SLC25A48: variants seen among roughly 807,000 people sequenced by gnomAD.
SLC25A48 encodes the protein CTC-321K16.1.
SLC25A48 carries 29 observed loss-of-function variants against 32.2 expected under a neutral mutation model. The observed-to-expected ratio is 0.90, with a 90% confidence interval of 0.67 to 1.23. The LOEUF (loss-of-function observed/expected upper bound fraction) is 1.23. Ranked by LOEUF, SLC25A48 falls within the 50% of genes most tolerant of loss-of-function variation. The pLI is 0.00. For missense variants in SLC25A48, 399 were observed against 422.7 expected (o/e 0.94, Z 0.49); for synonymous variants, 164 against 172.3 (o/e 0.95, Z 0.38).
At chr5:135,611,268 G>A (rs1752056822) in intron 1 of SLC25A48, among the ~76,000 whole-genome samples, 2 of 152,074 alleles carry the variant, frequency 1.3e-5, no homozygotes, top group Non-Finnish European at 1.5e-5. Context: ...CCAGCACTTC[G>A]GGAGACTGAG....
intron 2 of SLC25A48, among the ~76,000 whole-genome samples, chr5:135,844,913 G>A (rs1022634148): frequency 1.3e-5 from 2 of 152,202 alleles, no homozygotes; most frequent in Admixed American, 1.3e-4. Flanking sequence ...GAAAAGGGCT[G>A]TTGTTTCTGT....
intron 3 of SLC25A48, among the ~76,000 whole-genome samples, chr5:135,728,129 G>A (rs1755133158): frequency 6.6e-6 from 1 of 151,888 alleles, no homozygotes; most frequent in Admixed American, 6.6e-5. Flanking sequence ...GGTGGTGGGC[G>A]CCTGTAGTCC....
At chr5:135,778,609 C>T (rs1756631672) in intron 3 of SLC25A48, among the ~76,000 whole-genome samples, 1 of 150,434 alleles carries the variant, frequency 6.6e-6, no homozygotes, top group South Asian at 2.1e-4. Flanking sequence ...AGGCGGTGTA[C>T]ACCCCTTCCA....
intron 3 of SLC25A48, among the ~76,000 whole-genome samples, chr5:135,694,222 G>C (rs2126960609): frequency 6.6e-6 from 1 of 152,272 alleles, no homozygotes; most frequent in African/African-American, 2.4e-5. Flanking sequence ...TGGGCGGCCT[G>C]GTATGCTGTA....
intron 1 of SLC25A48, among the ~76,000 whole-genome samples, chr5:135,611,648 G>A (rs1187970007): frequency 1.3e-5 from 2 of 152,058 alleles, no homozygotes; most frequent in Non-Finnish European, 1.5e-5. Context: ...GGAGGTGGAG[G>A]TTGCAGTGAG....
rs113759741 is a variant in SLC25A48, at chr5:135,746,541, A to T, written c.-520-65982A>T. The stretch of plus-strand genomic sequence containing the variant: ...GGTACAATCCGATTCTCCGGTGCAA[A>T]ATAAGTCTCCAAAAGAGAGGGCTGT... On this transcript the variant is annotated intron_variant, in intron 3 of 10. Transcript: ENST00000646290. 2.4e-3 allele frequency among the ~76,000 whole-genome samples: 365 copies of T among 152,218 alleles called. 1 individual carries two copies. The highest frequency in any genetic ancestry group is 5.8e-3 in the African/African-American group (242 of 41,544).
intron 3 of SLC25A48, among the ~76,000 whole-genome samples, chr5:135,796,379 A>G (rs1757180106): frequency 6.6e-6 from 1 of 150,876 alleles, no homozygotes; most frequent in African/African-American, 2.4e-5. Flanking sequence ...GTGTGATATC[A>G]CGCCTTTTAT....
chr5:135,837,216 C>T (rs748484903), intron 1 of SLC25A48, among the ~76,000 whole-genome samples: 9 of 152,016 alleles, frequency 5.9e-5, no homozygotes, highest in Non-Finnish European at 1.3e-4. Flanking sequence ...AGCGCACCTC[C>T]CCCCACTACT....
chr5:135,736,247 G>C (rs1470122820), intron 3 of SLC25A48, among the ~76,000 whole-genome samples: 1 of 152,126 alleles, frequency 6.6e-6, no homozygotes, highest in African/African-American at 2.4e-5. Context: ...TGGATGTAAG[G>C]CATCTCAGAC....
chr5:135,650,320 C>T (rs1288627807), intron 3 of SLC25A48: 2 of 430,050 alleles, frequency 4.7e-6, no homozygotes, highest in South Asian at 1.7e-5. Flanking sequence ...TTGACTGGTA[C>T]ACTCCAAGCT....
chr5:135,804,330 G>A (rs1239685086), intron 3 of SLC25A48, among the ~76,000 whole-genome samples: 1 of 151,590 alleles, frequency 6.6e-6, no homozygotes, highest in East Asian at 1.9e-4. Context: ...TACCCCCGGC[G>A]ACATTAAGAG....
At chr5:135,612,295 T>G (rs978365328) in intron 1 of SLC25A48, among the ~76,000 whole-genome samples, 15 of 152,208 alleles carry the variant, frequency 9.9e-5, no homozygotes, top group African/African-American at 3.6e-4. Flanking sequence ...GGGGTACATG[T>G]GATACTTTGC....
At chr5:135,847,631 G>T (rs1020776984) in intron 2 of SLC25A48, among the ~76,000 whole-genome samples, 4 of 152,160 alleles carry the variant, frequency 2.6e-5, no homozygotes, top group African/African-American at 9.7e-5. Context: ...GAGAGATTTA[G>T]ATTTCTTCCC....
At chr5:135,725,819 A>G (rs1465265257) in intron 3 of SLC25A48, among the ~76,000 whole-genome samples, 1 of 151,250 alleles carries the variant, frequency 6.6e-6, no homozygotes, top group Non-Finnish European at 1.5e-5. Flanking sequence ...TCAAAATAGC[A>G]TTTCTTGGAC....
At chr5:135,707,211 C>T (rs758363774) in intron 3 of SLC25A48, among the ~76,000 whole-genome samples, 5 of 152,142 alleles carry the variant, frequency 3.3e-5, no homozygotes, top group African/African-American at 7.2e-5. Flanking sequence ...ACTGAACTCA[C>T]GGCCTGTGGA....
chr5:135,871,363 A>G (rs1761627126), intron 4 of SLC25A48, 98 bp from the exon 5 acceptor site: 1 of 1,407,078 alleles, frequency 7.1e-7, no homozygotes, highest in African/African-American at 1.4e-5. Flanking sequence ...GCTACATGAG[A>G]GGGAACTGTC....
chr5:135,655,942 A>G (rs1268085898), intron 3 of SLC25A48, among the ~76,000 whole-genome samples: 1 of 152,070 alleles, frequency 6.6e-6, no homozygotes, highest in African/African-American at 2.4e-5. Context: ...CAGGTTCATC[A>G]TTATTCCCCA....
At chr5:135,759,499 A>T (rs1756008370) in intron 3 of SLC25A48, among the ~76,000 whole-genome samples, 1 of 152,156 alleles carries the variant, frequency 6.6e-6, no homozygotes, top group Non-Finnish European at 1.5e-5. Flanking sequence ...TACAATGTTC[A>T]CGCAGTGAAA....
At chr5:135,622,243 A>G (rs2126899563) in intron 1 of SLC25A48, among the ~76,000 whole-genome samples, 1 of 152,340 alleles carries the variant, frequency 6.6e-6, no homozygotes, top group East Asian at 1.9e-4. Context: ...GGTACTTTGA[A>G]CAAACTTTCT....
Sources: gnomAD v4.1 joint callset for allele counts (sites outside exome capture counted in the v4.1 genomes callset) on GRCh38, gnomAD v4.1.1 for gene constraint, MANE v1.5 for transcripts, NCBI Gene and HGNC (gene_info 2026-07-23, HGNC 2026-07-21) for gene names.